Variants in RINT1 observed in about 807,000 individuals in gnomAD.
RINT1 encodes the protein RAD50-interacting protein 1.
A neutral mutation model predicts 97.7 loss-of-function variants in RINT1; 75 were observed. The ratio of observed to expected loss-of-function variants is 0.77; its 90% confidence interval spans 0.64 to 0.93. RINT1 has a LOEUF of 0.93. Ranked by LOEUF, RINT1 falls within the 40% of genes least tolerant of loss-of-function variation. The pLI, the probability that RINT1 is intolerant of heterozygous loss-of-function variation, is 0.00. For missense variants in RINT1, 892 were observed against 925.2 expected, an observed-to-expected ratio of 0.96 and a Z score of 0.47; for synonymous variants, 303 against 326.3, an observed-to-expected ratio of 0.93 and a Z score of 0.77.
At position 105,532,350 on chromosome 7, in the gene RINT1, C is replaced by T. The variant is rs2133347246; in HGVS notation, c.35C>T (p.Ala12Val). ...LPAGEIGASP[A>V]APCCSESGDE... is the part of the protein sequence containing the mutation. The stretch of plus-strand genomic sequence containing the variant: ...GCCGGCGAGATCGGCGCCTCTCCTG[C>T]AGCCCCGGTGAGACGGCCCTGGCGT... Residue 12 changes from alanine (A) to valine (V), a missense_variant, in exon 1 of 15, where the codon GCA becomes GTA. Physicochemically the swap from Ala to Val is moderately conservative, Grantham distance 64. Transcript: ENST00000257700. 6.2e-7 allele frequency: 1 copy of T among 1,600,998 alleles called. No homozygotes were observed. Among genetic ancestry groups the T allele is most frequent in the South Asian group, 1.1e-5 (1 of 89,060 alleles).
intron 11 of RINT1, among the ~76,000 whole-genome samples, chr7:105,561,587 G>T (rs141664776): frequency 6.6e-6 from 1 of 152,060 alleles, no homozygotes; most frequent in Admixed American, 6.5e-5. Context: ...TTGAGACGGG[G>T]TTTCACTCTT....
intron 14 of RINT1, chr7:105,566,754 AATTT>A (rs1293479628): frequency 6.4e-6 from 1 of 155,126 alleles, no homozygotes; most frequent in Non-Finnish European, 1.4e-5. Context: ...CTGTTTTTAA[AATTT>A]ATTTTAATGT....
At position 105,551,707 on chromosome 7, in the gene RINT1, GGTAA is replaced by G. The variant is rs1318573657; in HGVS notation, c.1471+4_1471+7del. The G allele has an allele frequency of 3.8e-6, 6 of 1,586,806 alleles. No individual in the cohort carries two copies. Among genetic ancestry groups the G allele is most frequent in the Non-Finnish European group, 4.3e-6 (5 of 1,169,052 alleles). ...TATGACTCTACTCTTGGTTATAACT[GGTAA>G]GTATGTCTTTTAAGATATGACTTTG... On this transcript the variant is annotated splice_donor_variant and splice_donor_region_variant and intron_variant, in intron 10 of 14. Transcript: ENST00000257700. LOFTEE classifies it high-confidence loss of function.
At chr7:105,546,809 G>C in intron 4 of RINT1, 101 bp from the exon 5 acceptor site, 4 of 767,444 alleles carry the variant, frequency 5.2e-6, no homozygotes, top group Non-Finnish European at 8.2e-6. Flanking sequence ...CTGGGACACA[G>C]AATTTGCATT....
Position 105,565,340 on chromosome 7 carries a change from G to C in RINT1, c.1950G>C (p.Pro650=). The C allele has an allele frequency of 6.2e-7, 1 of 1,614,204 alleles. No homozygotes were observed. Among genetic ancestry groups the C allele is most frequent in the Non-Finnish European group, 8.5e-7 (1 of 1,180,026 alleles). ...TGTCCCTGTCCAGTTCGGCTTGCCCGTTGCTGCTGACGTTACGAGACCATT... is the reference window on the plus strand; with the variant it reads ...TGTCCCTGTCCAGTTCGGCTTGCCCCTTGCTGCTGACGTTACGAGACCATT... ...AVMSLSSSAC[P]LLLTLRDHLL... is the part of the protein sequence containing the mutation. Residue 650 remains proline (P), a synonymous_variant, in exon 13 of 15, where the codon CCG becomes CCC. Coordinates refer to ENST00000257700, the MANE Select transcript of RINT1 (RefSeq NM_021930.6).
intron 11 of RINT1, among the ~76,000 whole-genome samples, chr7:105,561,914 GA>G (rs1363191966): frequency 1.1e-4 from 16 of 151,826 alleles, no homozygotes; most frequent in Admixed American, 2.0e-4. Context: ...AGTTGAAAGA[GA>G]AAAATATTTT....
chr7:105,538,070 G>A (rs1322140634), intron 3 of RINT1, among the ~76,000 whole-genome samples: 1 of 151,296 alleles, frequency 6.6e-6, no homozygotes, highest in Admixed American at 6.6e-5. Context: ...TCGGCTCACT[G>A]CAACCTCTGC....
chr7:105,538,027 C>G (rs899071106), intron 3 of RINT1, among the ~76,000 whole-genome samples: 1 of 151,794 alleles, frequency 6.6e-6, no homozygotes, highest in African/African-American at 2.4e-5. Flanking sequence ...GAGTCTGACT[C>G]TGTCGCCCAG....
Position 105,532,246 on chromosome 7 carries a change from C to G in RINT1, c.-70C>G, listed in dbSNP as rs1586209371. The G allele has an allele frequency of 1.3e-6, 2 of 1,510,144 alleles. No homozygotes were observed. The highest frequency in any genetic ancestry group is 1.2e-5 in the South Asian group (1 of 82,914). The allele number at this position is 1,510,144 out of a possible 1,614,324, so 93.5% of individuals were successfully genotyped here. A position where few individuals can be genotyped will look rare whatever the true frequency, so the allele number is the denominator to read the frequency against. ...CTCCGAGGCTGGGTAGTGAGTGTGTCGCTGGCCTTAGCCAGACTCCACAGG... is the reference window on the plus strand; with the variant it reads ...CTCCGAGGCTGGGTAGTGAGTGTGTGGCTGGCCTTAGCCAGACTCCACAGG... On this transcript the variant is annotated 5_prime_UTR_variant, in exon 1 of 15. Coordinates refer to ENST00000257700, the MANE Select transcript of RINT1 (RefSeq NM_021930.6).
chr7:105,559,975 A>G (rs1213534906), intron 11 of RINT1, among the ~76,000 whole-genome samples: 1 of 152,190 alleles, frequency 6.6e-6, no homozygotes, highest in Non-Finnish European at 1.5e-5. Context: ...AGAATTAGGA[A>G]TTTTTCAGTT....
In RINT1 at chr7:105,563,812, T is replaced by C. The variant is rs752301281; in HGVS notation, c.1751T>C (p.Leu584Pro). Residue 584 changes from leucine (L) to proline (P), a missense_variant, in exon 12 of 15, where the codon CTA becomes CCA. Coordinates refer to ENST00000257700, the MANE Select transcript of RINT1 (RefSeq NM_021930.6). Reference protein sequence around the residue: ...NTLSKLQLGQLASMESSVFDD... With the variant: ...NTLSKLQLGQPASMESSVFDD... ...CTGAGTAAATTGCAGCTAGGACAGC[T>C]AGCCTCTATGGAGAGCTCTGTCTTT... 6.2e-7 allele frequency: 1 copy of C among 1,614,022 alleles called. No individual in the cohort carries two copies. The highest frequency in any genetic ancestry group is 1.3e-5 in the African/African-American group (1 of 74,946).
At chr7:105,542,355 T>A (rs1790491518) in intron 3 of RINT1, 53 bp from the exon 4 acceptor site, 1 of 1,420,252 alleles carries the variant, frequency 7.0e-7, no homozygotes, top group Non-Finnish European at 9.7e-7. Context: ...TTATGAAAAT[T>A]TTATCTGATT....
At chr7:105,560,079 A>T (rs1429774562) in intron 11 of RINT1, among the ~76,000 whole-genome samples, 2 of 152,210 alleles carry the variant, frequency 1.3e-5, no homozygotes, top group East Asian at 3.8e-4. Context: ...AGGATTAGGC[A>T]TGGCTGTTCT....
At chr7:105,533,898 T>C (rs1790125665) in intron 2 of RINT1, among the ~76,000 whole-genome samples, 1 of 152,238 alleles carries the variant, frequency 6.6e-6, no homozygotes, top group Non-Finnish European at 1.5e-5. Flanking sequence ...TCAAGGACTT[T>C]GACCTTGTTC....
chr7:105,542,625 G>A lies in RINT1; in HGVS notation c.491G>A (p.Trp164Ter). The A allele has an allele frequency of 1.2e-6, 2 of 1,611,962 alleles. No homozygotes were observed. The highest frequency in any genetic ancestry group is 2.7e-5 in the African/African-American group (2 of 74,950). Residue 164 changes from tryptophan to a stop codon, truncating the protein, a stop_gained, in exon 4 of 15, where the codon TGG becomes TAG. Transcript: ENST00000257700. LOFTEE classifies it high-confidence loss of function. ...EIERHLAYLKWISQIEELSDN... is the reference protein window; with the variant it reads ...EIERHLAYLK Reference sequence around the variant, plus strand: ...GAACGTCATCTTGCTTACCTTAAATGGATTTCACAAATTGAAGAACTAAGG... The same window carrying A: ...GAACGTCATCTTGCTTACCTTAAATAGATTTCACAAATTGAAGAACTAAGG...
chr7:105,538,965 C>T (rs1211045927), intron 3 of RINT1, among the ~76,000 whole-genome samples: 1 of 152,060 alleles, frequency 6.6e-6, no homozygotes, highest in African/African-American at 2.4e-5. Flanking sequence ...AAAACCTTAA[C>T]AAAGAAACAA....
At position 105,547,003 on chromosome 7, in the gene RINT1, A is replaced by G. The variant is rs1330918441; in HGVS notation, c.609A>G (p.Glu203=). 1 of 1,614,004 alleles carries G rather than the reference A, an allele frequency of 6.2e-7. No individual in the cohort carries two copies. The highest frequency in any genetic ancestry group is 2.2e-5 in the East Asian group (1 of 44,888). The change falls in exon 5 of 15, where the codon GAA becomes GAG. Residue 203 remains glutamate, a synonymous_variant. Transcript: ENST00000257700. ...CAGAACTTGACATTAAACTTCAGGA[A>G]TCATCTTGTACTCATCTTCTTGGTT... ...SMAELDIKLQ[E]SSCTHLLGFM...
chr7:105,565,612 C>T lies in RINT1; in HGVS notation c.2150C>T (p.Ser717Phe). Reference protein sequence around the residue: ...DMTRNLFPLFSHYCKRPENYF... With the variant: ...DMTRNLFPLFFHYCKRPENYF... ...ACTCGGAATCTTTTCCCTTTGTTTT[C>T]TCACTATTGCAAGAGACCAGAAAAT... Residue 717 changes from serine (S) to phenylalanine (F), a missense_variant, in exon 14 of 15, where the codon TCT becomes TTT. Coordinates refer to ENST00000257700, the MANE Select transcript of RINT1 (RefSeq NM_021930.6). The T allele has an allele frequency of 6.2e-7, 1 of 1,613,190 alleles. No individual in the cohort carries two copies. The highest frequency in any genetic ancestry group is 8.5e-7 in the Non-Finnish European group (1 of 1,179,334).
chr7:105,532,918 C>T (rs2133349136), intron 2 of RINT1, 49 bp downstream of exon 2: 1 of 1,566,902 alleles, frequency 6.4e-7, no homozygotes, highest in Non-Finnish European at 8.8e-7. Flanking sequence ...CCAAACTCAG[C>T]CTTCCAGGGT....
Sources: gnomAD v4.1 joint callset for allele counts (sites outside exome capture counted in the v4.1 genomes callset) on GRCh38, gnomAD v4.1.1 for gene constraint, MANE v1.5 for transcripts, NCBI Gene and HGNC (gene_info 2026-07-23, HGNC 2026-07-21) for gene names.